The following ADAM28 variants were observed in gnomAD, a reference collection of about 807,000 sequenced individuals.
ADAM28 encodes the protein disintegrin and metalloproteinase domain-containing protein 28.
A neutral mutation model predicts 101.2 loss-of-function variants in ADAM28; 105 were observed. That is an observed-to-expected ratio of 1.04 (90% CI 0.89 to 1.22). ADAM28 has a LOEUF of 1.22. Ranked by LOEUF, ADAM28 falls within the 50% of genes most tolerant of loss-of-function variation. The probability of loss-of-function intolerance (pLI) is 0.00; values close to 1 mark genes in which losing one functional copy is unlikely to be tolerated. For missense variants in ADAM28, 1,028 were observed against 945.4 expected, an observed-to-expected ratio of 1.09 and a Z score of -1.15; for synonymous variants, 322 against 310.6, an observed-to-expected ratio of 1.04 and a Z score of -0.39.
At chr8:24,330,201 AACG>A (rs1813188957) in intron 11 of ADAM28, 86 bp downstream of exon 11, 1 of 1,457,126 alleles carries the variant, frequency 6.9e-7, no homozygotes, top group East Asian at 2.4e-5. Context: ...CATCTTCAAC[AACG>A]TGTTCGAGTT....
intron 12 of ADAM28, among the ~76,000 whole-genome samples, 185 bp from the exon 13 acceptor site, chr8:24,332,475 T>TA (rs1813473955): frequency 6.6e-6 from 1 of 152,188 alleles, no homozygotes; most frequent in African/African-American, 2.4e-5. Context: ...GGAATTCAGA[T>TA]AAACAACAAA....
Position 24,311,386 on chromosome 8 carries a change from T to A in ADAM28, c.332T>A (p.Ile111Asn), listed in dbSNP as rs767451008. ...GATGATTGTTATTATCAAGGACATA[T>A]TCTTAATGAAAAGGTTTCTGACGCT... is the stretch of plus-strand genomic sequence containing the variant. ...IMDDCYYQGH[I>N]LNEKVSDASI... is the part of the protein sequence containing the mutation. The change falls in exon 5 of 23, where the codon ATT becomes AAT. Residue 111 changes from isoleucine (I) to asparagine (N), a missense_variant. Coordinates refer to ENST00000265769, the MANE Select transcript of ADAM28 (RefSeq NM_014265.6). 6.2e-7 allele frequency: 1 copy of A among 1,613,090 alleles called. No individual in the cohort carries two copies. The highest frequency in any genetic ancestry group is 2.2e-5 in the East Asian group (1 of 44,822).
intron 10 of ADAM28, among the ~76,000 whole-genome samples, chr8:24,328,396 A>T (rs1812906933): frequency 6.6e-6 from 1 of 151,902 alleles, no homozygotes; most frequent in Non-Finnish European, 1.5e-5. Flanking sequence ...TAGAAATGGA[A>T]TTAACATATT....
chr8:24,297,646 T>C (rs1808151546), intron 1 of ADAM28, among the ~76,000 whole-genome samples: 1 of 152,246 alleles, frequency 6.6e-6, no homozygotes, highest in Non-Finnish European at 1.5e-5. Context: ...GCTACTGTAA[T>C]GTACCAGGCA....
rs778406893 is a variant in ADAM28, at chr8:24,311,400, G to T, written c.346G>T (p.Val116Phe). 6 of 1,612,922 alleles carry T rather than the reference G, an allele frequency of 3.7e-6. No homozygotes were observed. In the African/African-American group the frequency reaches 5.3e-5, roughly 14 times the overall value. ...TCAAGGACATATTCTTAATGAAAAGGTTTCTGACGCTAGCATCAGCACATG... is the reference window on the plus strand; with the variant it reads ...TCAAGGACATATTCTTAATGAAAAGTTTTCTGACGCTAGCATCAGCACATG... ...YYQGHILNEK[V>F]SDASISTCRG... Residue 116 changes from valine to phenylalanine, a missense_variant, in exon 5 of 23, where the codon GTT becomes TTT. By Grantham distance (50) the Val-to-Phe change is conservative. Transcript: ENST00000265769.
intron 18 of ADAM28, among the ~76,000 whole-genome samples, chr8:24,343,793 A>T (rs948966398): frequency 6.6e-6 from 1 of 152,150 alleles, no homozygotes; most frequent in Admixed American, 6.6e-5. Context: ...ATGCAAAAAA[A>T]TTTCCTCAAC....
chr8:24,328,791 G>C (rs868752118), intron 10 of ADAM28, among the ~76,000 whole-genome samples: 1 of 151,934 alleles, frequency 6.6e-6, no homozygotes, highest in Non-Finnish European at 1.5e-5. Context: ...TTAGTTGGAC[G>C]TAGTGGCTGG....
chr8:24,324,135 A>G (rs1585621793), intron 9 of ADAM28, 132 bp downstream of exon 9: 1 of 697,442 alleles, frequency 1.4e-6, no homozygotes, highest in South Asian at 4.7e-5. Context: ...TATGTCAAAT[A>G]TGCTCTTATT....
chr8:24,326,720 TTTTCTC>T (rs1812670514), intron 10 of ADAM28, 85 bp downstream of exon 10: 3 of 1,325,618 alleles, frequency 2.3e-6, no homozygotes, highest in Non-Finnish European at 3.2e-6. Context: ...TCATGATAGT[TTTTCTC>T]TGTAGTCTGT....
intron 22 of ADAM28, among the ~76,000 whole-genome samples, chr8:24,354,176 G>T (rs111486828): frequency 1.3e-5 from 2 of 151,850 alleles, no homozygotes; most frequent in Admixed American, 1.3e-4. Context: ...GCTAATTACC[G>T]GATAGATACT....
intron 2 of ADAM28, among the ~76,000 whole-genome samples, chr8:24,306,846 CA>C (rs1809761840): frequency 6.6e-6 from 1 of 152,112 alleles, no homozygotes; most frequent in African/African-American, 2.4e-5. Flanking sequence ...CTGTCCTATC[CA>C]CAGATCTAAG....
chr8:24,304,326 C>G (rs1809255603), intron 2 of ADAM28, among the ~76,000 whole-genome samples: 1 of 151,104 alleles, frequency 6.6e-6, no homozygotes, highest in Non-Finnish European at 1.5e-5. Flanking sequence ...TAGTCCATTA[C>G]TAGGTTAAAT....
At chr8:24,302,527 C>T (rs1162472021) in intron 2 of ADAM28, among the ~76,000 whole-genome samples, 1 of 152,212 alleles carries the variant, frequency 6.6e-6, no homozygotes, top group Non-Finnish European at 1.5e-5. Flanking sequence ...CCGTCTTCCA[C>T]AACGGTTGAA....
intron 2 of ADAM28, among the ~76,000 whole-genome samples, chr8:24,306,734 T>C (rs1315176063): frequency 6.6e-6 from 1 of 152,190 alleles, no homozygotes; most frequent in East Asian, 1.9e-4. Flanking sequence ...CACATTTAAT[T>C]GGCATCCTGT....
Position 24,353,800 on chromosome 8 carries a change from G to GT in ADAM28, c.2279dup (p.Lys761GlnfsTer3), listed in dbSNP as rs1199378583. The GT allele has an allele frequency of 6.6e-7, 1 of 1,522,062 alleles. No individual in the cohort carries two copies. Among genetic ancestry groups the GT allele is most frequent in the African/African-American group, 1.4e-5 (1 of 73,052 alleles). 94.3% of individuals were successfully genotyped at this position (1,522,062 alleles called of 1,614,324 possible). ...AGACACAAACGCACTTCCCCCTACTGTTTTCAAGGATAATCCAGTGTCTAC... is the reference window on the plus strand; with the variant it reads ...AGACACAAACGCACTTCCCCCTACTGTTTTTCAAGGATAATCCAGTGTCTAC... On this transcript the variant is annotated frameshift_variant, in exon 22 of 23. Coordinates refer to ENST00000265769, the MANE Select transcript of ADAM28 (RefSeq NM_014265.6). LOFTEE classifies it high-confidence loss of function.
intron 2 of ADAM28, among the ~76,000 whole-genome samples, chr8:24,300,581 A>G (rs1373302823): frequency 1.3e-5 from 2 of 152,104 alleles, no homozygotes; most frequent in African/African-American, 4.8e-5. Flanking sequence ...ACGCTCGGCT[A>G]ATTTTTTTGT....
intron 9 of ADAM28, 104 bp downstream of exon 9, chr8:24,324,107 G>C: frequency 1.9e-6 from 2 of 1,051,750 alleles, no homozygotes; most frequent in Non-Finnish European, 2.7e-6. Flanking sequence ...GACATTTATA[G>C]AGCACTTACT....
chr8:24,334,881 A>G (rs1230125518), intron 13 of ADAM28, among the ~76,000 whole-genome samples: 1 of 152,204 alleles, frequency 6.6e-6, no homozygotes, highest in Non-Finnish European at 1.5e-5. Context: ...TATCAAGTGA[A>G]TATTTGCTTA....
At position 24,354,486 on chromosome 8, in the gene ADAM28, TA is replaced by T. The variant is rs1816541862; in HGVS notation, c.*83del. ...CTGGATGGCAGAGAAATATACTATC[TA>T]TCTCACCAGTATTTGCTCTCGACTC... On this transcript the variant is annotated 3_prime_UTR_variant, in exon 23 of 23. Transcript: ENST00000265769. The T allele has an allele frequency of 2.1e-5, 30 of 1,453,502 alleles. No individual in the cohort carries two copies. The highest frequency in any genetic ancestry group is 3.5e-4 in the Middle Eastern group (2 of 5,782). 90.0% of individuals were successfully genotyped at this position (1,453,502 alleles called of 1,614,324 possible). A position where few individuals can be genotyped will look rare whatever the true frequency, so the allele number is the denominator to read the frequency against.
Sources: allele counts gnomAD v4.1 joint callset (sites outside exome capture counted in the v4.1 genomes callset), GRCh38; gene constraint gnomAD v4.1.1; transcripts MANE v1.5; gene names NCBI Gene and HGNC (gene_info 2026-07-23, HGNC 2026-07-21).